Variants in ZDHHC15 observed in about 807,000 individuals in gnomAD.
The protein encoded by ZDHHC15 is palmitoyltransferase ZDHHC15.
Under a neutral mutation model 31.7 loss-of-function variants are expected in ZDHHC15, and 19 were observed. The ratio of observed to expected loss-of-function variants is 0.60; its 90% CI spans 0.42 to 0.88. The LOEUF (loss-of-function observed/expected upper bound fraction) is 0.88. Among genes scored for constraint, ZDHHC15 ranks in the 40% least tolerant of loss-of-function variants. The pLI is 0.00. For missense variants in ZDHHC15, 209 were observed against 251.2 expected (o/e 0.83, Z 1.14); for synonymous variants, 103 against 90.0 (o/e 1.14, Z -0.82).
At chrX:75,448,553 A>T (rs1226534176) in intron 4 of ZDHHC15, among the ~76,000 whole-genome samples, 1 of 111,997 alleles carries the variant, frequency 8.9e-6, no homozygotes, top group Admixed American at 9.5e-5. Context: ...TTGTTATTTT[A>T]TATCATAGTA....
intron 11 of ZDHHC15, among the ~76,000 whole-genome samples, chrX:75,377,504 A>ATAT (rs1555989946): frequency 6.7e-4 from 71 of 105,486 alleles, no homozygotes; most frequent in South Asian, 2.1e-3. Flanking sequence ...TCAAAAAAAA[A>ATAT]ATATATATAT....
chrX:75,522,392 A>G (rs191367853), intron 1 of ZDHHC15, among the ~76,000 whole-genome samples: 1 of 111,536 alleles, frequency 9.0e-6, no homozygotes, highest in Non-Finnish European at 1.9e-5. Flanking sequence ...AAGAGAGTAG[A>G]GGAAATATTT....
chrX:75,471,048 C>T (rs1178993335), intron 3 of ZDHHC15, among the ~76,000 whole-genome samples: 2 of 112,089 alleles, frequency 1.8e-5, no homozygotes, highest in African/African-American at 6.5e-5. Flanking sequence ...AGTGGATTAT[C>T]GTAAGCTTCA....
chrX:75,391,062 G>A (rs2083237159), intron 10 of ZDHHC15, among the ~76,000 whole-genome samples: 1 of 111,774 alleles, frequency 8.9e-6, no homozygotes, highest in Admixed American at 9.5e-5. Context: ...TTCTTGAGCT[G>A]AAAAATTCAA....
At chrX:75,492,615 G>A (rs1481089144) in intron 2 of ZDHHC15, among the ~76,000 whole-genome samples, 1 of 111,609 alleles carries the variant, frequency 9.0e-6, no homozygotes, top group Non-Finnish European at 1.9e-5. Flanking sequence ...CTAGAAATCA[G>A]GATTAAGAAA....
chrX:75,427,276 C>T (rs774173791), intron 7 of ZDHHC15, among the ~76,000 whole-genome samples: 3 of 67,801 alleles, frequency 4.4e-5, no homozygotes, highest in Non-Finnish European at 9.7e-5. Context: ...GAGGCATGAG[C>T]TAGCCTACTG....
chrX:75,415,241 A>G (rs1463632254), intron 10 of ZDHHC15, among the ~76,000 whole-genome samples: 1 of 111,953 alleles, frequency 8.9e-6, no homozygotes, highest in African/African-American at 3.2e-5. Flanking sequence ...TGTCTATGAC[A>G]GTTATGCACA....
At chrX:75,462,775 T>C (rs762471307) in intron 3 of ZDHHC15, among the ~76,000 whole-genome samples, 20 of 111,036 alleles carry the variant, frequency 1.8e-4, no homozygotes, top group Non-Finnish European at 3.6e-4. Context: ...AAAATAGTGT[T>C]AAGAGGGAAA....
At chrX:75,403,005 C>G (rs926035913) in intron 10 of ZDHHC15, among the ~76,000 whole-genome samples, 7 of 111,897 alleles carry the variant, frequency 6.3e-5, no homozygotes, top group African/African-American at 2.3e-4. Context: ...TATTTGCAAA[C>G]TGAATCCAGC....
intron 3 of ZDHHC15, among the ~76,000 whole-genome samples, chrX:75,452,370 G>A (rs1023698090): frequency 1.8e-5 from 2 of 111,075 alleles, no homozygotes; most frequent in Admixed American, 1.9e-4. Context: ...ACCAATACAG[G>A]AGCACCCAGA....
chrX:75,377,709 T>C (rs1220445111), intron 11 of ZDHHC15, among the ~76,000 whole-genome samples: 3 of 110,625 alleles, frequency 2.7e-5, no homozygotes, highest in Non-Finnish European at 5.7e-5. Flanking sequence ...CTAGGTTCCA[T>C]GATAGGCACA....
At position 75,518,930 on chromosome X, in the gene ZDHHC15, T is replaced by C. The variant is rs1448930418; in HGVS notation, c.136+3959A>G. Among the ~76,000 whole-genome samples the C allele has an allele frequency of 4.7e-5, 5 of 105,951 alleles. No homozygotes were observed. In the East Asian group the frequency reaches 1.5e-3, roughly 32 times the overall value. The allele number at this position is 105,951 out of a possible 115,157, so 92.0% of individuals were successfully genotyped here. On this transcript the variant is annotated intron_variant, in intron 1 of 11. Coordinates refer to ENST00000373367, the MANE Select transcript of ZDHHC15 (RefSeq NM_144969.3). ...ACCAATTTCAAAAACATTTTGTTAA[T>C]TGGAAGAAGTCAGACACAAAAGAAC...
chrX:75,515,277 A>G (rs1223000696), intron 1 of ZDHHC15, among the ~76,000 whole-genome samples: 1 of 111,438 alleles, frequency 9.0e-6, no homozygotes, highest in Admixed American at 9.6e-5. Context: ...AACAAAGAAA[A>G]AAAAGAGAGA....
chrX:75,433,697 G>A (rs61269670), intron 4 of ZDHHC15, among the ~76,000 whole-genome samples: 1,263 of 6,205 alleles, frequency 0.2, 24 homozygotes, highest in African/African-American at 0.23. Flanking sequence ...GTGTGTGTGT[G>A]TATATATATA....
intron 1 of ZDHHC15, among the ~76,000 whole-genome samples, chrX:75,517,923 G>C (rs1289166487): frequency 2.8e-5 from 3 of 108,680 alleles, no homozygotes; most frequent in Admixed American, 1.0e-4. Context: ...TTGAGCCCAG[G>C]AGTTTGAGAT....
At chrX:75,402,065 TAGA>T (rs1215656992) in intron 10 of ZDHHC15, among the ~76,000 whole-genome samples, 1 of 112,074 alleles carries the variant, frequency 8.9e-6, no homozygotes, top group Admixed American at 9.4e-5. Flanking sequence ...GCCATAAAAA[TAGA>T]AGTAAACACA....
chrX:75,419,476 T>A (rs1011150885), intron 9 of ZDHHC15, among the ~76,000 whole-genome samples: 1 of 110,455 alleles, frequency 9.1e-6, no homozygotes, highest in Non-Finnish European at 1.9e-5. Context: ...TGTGGAGAAA[T>A]AGGAACACTT....
At chrX:75,385,263 T>G (rs1378743801) in intron 10 of ZDHHC15, among the ~76,000 whole-genome samples, 1 of 111,390 alleles carries the variant, frequency 9.0e-6, no homozygotes, top group Non-Finnish European at 1.9e-5. Context: ...TTGGAGAGTC[T>G]GAATTCTGAT....
At chrX:75,373,310 C>T (rs1432672500) in intron 11 of ZDHHC15, among the ~76,000 whole-genome samples, 1 of 111,183 alleles carries the variant, frequency 9.0e-6, no homozygotes, top group Non-Finnish European at 1.9e-5. Context: ...ATGGAAATAA[C>T]AAGAGCTTTG....
Sources: allele counts gnomAD v4.1 joint callset (sites outside exome capture counted in the v4.1 genomes callset), GRCh38; gene constraint gnomAD v4.1.1; transcripts MANE v1.5; gene names NCBI Gene and HGNC (gene_info 2026-07-23, HGNC 2026-07-21).